Variants in TAF2 observed in about 807,000 individuals in gnomAD.
TAF2 encodes the protein transcription initiation factor TFIID subunit 2.
A neutral mutation model predicts 138.5 loss-of-function variants in TAF2; 61 were observed. That is an observed-to-expected ratio of 0.44 (90% CI 0.36 to 0.54). TAF2 has a LOEUF of 0.54. TAF2 is among the 20% of genes least tolerant of loss of function. The pLI is 0.00. For synonymous variants in TAF2, 475 were observed against 469.9 expected, an observed-to-expected ratio of 1.01 and a Z score of -0.14; for missense variants, 1,090 against 1,427.9, an observed-to-expected ratio of 0.76 and a Z score of 3.81.
In TAF2 at chr8:119,762,297, T is replaced by C. The variant is rs1031874883; in HGVS notation, c.2558+118A>G. The C allele has an allele frequency of 2.4e-5, 23 of 959,692 alleles. No individual in the cohort carries two copies. In the South Asian group the frequency reaches 3.3e-4, roughly 14 times the overall value. The allele number at this position is 959,692 out of a possible 1,614,324, so 59.4% of individuals were successfully genotyped here. A position where few individuals can be genotyped will look rare whatever the true frequency, so the allele number is the denominator to read the frequency against. On this transcript the variant is annotated intron_variant, in intron 19 of 25. Coordinates refer to ENST00000378164, the MANE Select transcript of TAF2 (RefSeq NM_003184.4). The stretch of plus-strand genomic sequence containing the variant: ...AATTTATCTGTGGGTGGTAGAATCA[T>C]ACAGAATTTTAGTTTTCTCATTTTA...
At chr8:119,807,929 T>C (rs982691420) in intron 3 of TAF2, among the ~76,000 whole-genome samples, 1 of 151,626 alleles carries the variant, frequency 6.6e-6, no homozygotes, top group Non-Finnish European at 1.5e-5. Context: ...CTCAAAAAAA[T>C]TAAAAAATAA....
Position 119,781,038 on chromosome 8 carries a change from G to T in TAF2, c.2253+15C>A. 1.2e-6 allele frequency: 2 copies of T among 1,605,276 alleles called. No individual in the cohort carries two copies. ...ATATATAAAAACCATGAGAAAATTA[G>T]AAAGTAAACTGTACCTTCTGTAGAA... On this transcript the variant is annotated intron_variant, in intron 17 of 25. Coordinates refer to ENST00000378164, the MANE Select transcript of TAF2 (RefSeq NM_003184.4).
At chr8:119,739,241 C>G (rs2130984181) in intron 25 of TAF2, among the ~76,000 whole-genome samples, 1 of 152,106 alleles carries the variant, frequency 6.6e-6, no homozygotes, top group African/African-American at 2.4e-5. Flanking sequence ...CCAGTCACCT[C>G]AAGCTCTGCA....
intron 18 of TAF2, 75 bp downstream of exon 18, chr8:119,777,944 G>T: frequency 1.3e-6 from 1 of 755,862 alleles, no homozygotes; most frequent in East Asian, 2.7e-5. Flanking sequence ...ATACCATTGG[G>T]TAGTTCTGTA....
intron 3 of TAF2, among the ~76,000 whole-genome samples, chr8:119,813,570 A>G (rs1307606618): frequency 6.6e-6 from 1 of 152,248 alleles, no homozygotes; most frequent in Non-Finnish European, 1.5e-5. Flanking sequence ...ACCACATTTA[A>G]GAAAACACAG....
At chr8:119,736,870 C>T (rs1371615556) in intron 25 of TAF2, among the ~76,000 whole-genome samples, 2 of 152,002 alleles carry the variant, frequency 1.3e-5, no homozygotes, top group Non-Finnish European at 2.9e-5. Context: ...AACTAGAGAA[C>T]TTAACATGTT....
intron 16 of TAF2, among the ~76,000 whole-genome samples, chr8:119,782,621 A>T (rs1822745470): frequency 6.6e-6 from 1 of 152,218 alleles, no homozygotes; most frequent in Non-Finnish European, 1.5e-5. Context: ...CAAGTTTTTA[A>T]AAAATACCTG....
At chr8:119,812,909 T>G (rs762338643) in intron 3 of TAF2, among the ~76,000 whole-genome samples, 3 of 152,196 alleles carry the variant, frequency 2.0e-5, no homozygotes, top group Non-Finnish European at 4.4e-5. Flanking sequence ...GCAATAAACA[T>G]AGACATGTAG....
At chr8:119,792,149 CT>C (rs905286521) in intron 10 of TAF2, among the ~76,000 whole-genome samples, 413 of 138,750 alleles carry the variant, frequency 3.0e-3, no homozygotes, top group Admixed American at 8.6e-3. Context: ...TTCTTTCTTT[CT>C]TTTTTTTTTT....
At chr8:119,744,661 G>A (rs1357268898) in intron 23 of TAF2, 3 of 474,000 alleles carry the variant, frequency 6.3e-6, no homozygotes, top group Non-Finnish European at 1.2e-5. Context: ...GTGAGTTGTG[G>A]TGGAACGTGC....
intron 19 of TAF2, 133 bp downstream of exon 19, chr8:119,762,282 T>C (rs999102029): frequency 4.9e-6 from 4 of 809,760 alleles, no homozygotes; most frequent in Admixed American, 5.6e-5. Context: ...AATTTATCTG[T>C]GGGTGGTAGA....
chr8:119,783,312 T>C, intron 16 of TAF2, 69 bp downstream of exon 16: 2 of 1,558,516 alleles, frequency 1.3e-6, no homozygotes. Flanking sequence ...TAGGTGAATT[T>C]TAATTCATTT....
chr8:119,778,256 C>G lies in TAF2; in HGVS notation c.2254-127G>C, dbSNP rs1476828680. The G allele has an allele frequency of 1.5e-5, 9 of 601,622 alleles. No individual in the cohort carries two copies. The South Asian group carries it at 1.7e-4, about 12-fold the overall frequency. The allele number at this position is 601,622 out of a possible 1,614,324, so 37.3% of individuals were successfully genotyped here. A position where few individuals can be genotyped will look rare whatever the true frequency, so the allele number is the denominator to read the frequency against. On this transcript the variant is annotated intron_variant, in intron 17 of 25. Transcript: ENST00000378164. ...TAGATATCTGGATGGAGCCTAACAC[C>G]TCCACACCCCAACCCCTCCCACTGA...
chr8:119,796,352 A>G (rs7016906), intron 8 of TAF2, among the ~76,000 whole-genome samples: 2,061 of 152,232 alleles, frequency 0.014, 47 homozygotes, highest in African/African-American at 0.046. Context: ...TATATATAGT[A>G]TAGAATGTTC....
intron 5 of TAF2, 112 bp from the exon 6 acceptor site, chr8:119,802,137 G>A: frequency 1.1e-6 from 1 of 906,992 alleles, no homozygotes; most frequent in East Asian, 2.6e-5. Context: ...AAAACCTTTA[G>A]CTATTTGGCT....
intron 2 of TAF2, among the ~76,000 whole-genome samples, chr8:119,825,836 C>T (rs898476664): frequency 5.4e-5 from 8 of 148,114 alleles, no homozygotes; most frequent in African/African-American, 1.0e-4. Context: ...AGGTGCCCAC[C>T]GCCACGCCTG....
chr8:119,800,068 C>CA (rs1290712494), intron 6 of TAF2, among the ~76,000 whole-genome samples: 4 of 152,124 alleles, frequency 2.6e-5, no homozygotes, highest in African/African-American at 9.7e-5. Flanking sequence ...GAGTAGATTG[C>CA]AAAAATTTTT....
chr8:119,796,344 T>C (rs1427950346), intron 8 of TAF2, among the ~76,000 whole-genome samples: 4 of 152,072 alleles, frequency 2.6e-5, no homozygotes, highest in Admixed American at 2.6e-4. Flanking sequence ...TTCCATACTA[T>C]ATATAGTATA....
chr8:119,773,696 C>G (rs756210101), intron 18 of TAF2, among the ~76,000 whole-genome samples: 5 of 151,416 alleles, frequency 3.3e-5, no homozygotes, highest in Non-Finnish European at 7.4e-5. Flanking sequence ...TATATAGATT[C>G]TATAATTGAC....
Sources: gnomAD v4.1 joint callset for allele counts (sites outside exome capture counted in the v4.1 genomes callset) on GRCh38, gnomAD v4.1.1 for gene constraint, MANE v1.5 for transcripts, NCBI Gene and HGNC (gene_info 2026-07-23, HGNC 2026-07-21) for gene names.